Variants in SAE1 observed in about 807,000 individuals in gnomAD.
SAE1 encodes SUMO-activating enzyme subunit 1.
In SAE1, 11 loss-of-function variants were observed where a neutral mutation model predicts 40.6. The observed-to-expected ratio is 0.27, with a 90% CI of 0.17 to 0.45. The LOEUF (loss-of-function observed/expected upper bound fraction) is 0.45. Among genes scored for constraint, SAE1 ranks in the 20% least tolerant of loss-of-function variants. SAE1 has a pLI of 1.00. For missense variants in SAE1, 373 were observed against 427.3 expected, an observed-to-expected ratio of 0.87 and a Z score of 1.12; for synonymous variants, 155 against 154.3, an observed-to-expected ratio of 1.00 and a Z score of -0.03.
chr19:47,197,777 G>A (rs2058625732), intron 7 of SAE1, among the ~76,000 whole-genome samples: 1 of 152,186 alleles, frequency 6.6e-6, no homozygotes, highest in Admixed American at 6.5e-5. Flanking sequence ...CCAGTTGCCT[G>A]CTCACTCAAG....
intron 5 of SAE1, among the ~76,000 whole-genome samples, chr19:47,159,825 C>A (rs974381131): frequency 3.3e-5 from 5 of 152,150 alleles, no homozygotes; most frequent in African/African-American, 1.2e-4. Context: ...TCCGGAGTAG[C>A]TGGAACTGCC....
At chr19:47,200,396 C>T (rs1403212153) in intron 7 of SAE1, among the ~76,000 whole-genome samples, 3 of 142,460 alleles carry the variant, frequency 2.1e-5, no homozygotes, top group African/African-American at 8.2e-5. Context: ...CCAAGCCTGC[C>T]TAATTTTTTT....
intron 1 of SAE1, among the ~76,000 whole-genome samples, chr19:47,139,738 G>A (rs1234231839): frequency 6.7e-6 from 1 of 149,062 alleles, no homozygotes; most frequent in Non-Finnish European, 1.5e-5. Context: ...ACAGGCACCC[G>A]CCACCACTCC....
intron 5 of SAE1, among the ~76,000 whole-genome samples, chr19:47,164,884 C>T (rs555479735): frequency 5.2e-4 from 79 of 151,738 alleles, no homozygotes; most frequent in African/African-American, 1.8e-3. Flanking sequence ...GATCTCCTGA[C>T]CTCGTGATCC....
Position 47,209,334 on chromosome 19 carries a change from C to G in SAE1, c.*83C>G. The stretch of plus-strand genomic sequence containing the variant: ...GTCCCCTTCCTTCATGAAGGCATCT[C>G]CAGGCAAGGAAAACTGAAGTCATTG... On this transcript the variant is annotated 3_prime_UTR_variant, in exon 9 of 9. Transcript: ENST00000270225. The G allele has an allele frequency of 6.2e-7, 1 of 1,605,154 alleles. No homozygotes were observed. Among genetic ancestry groups the G allele is most frequent in the Non-Finnish European group, 8.5e-7 (1 of 1,174,142 alleles).
rs138869054 is a variant in SAE1, at chr19:47,189,492, C to T, written c.734-7741C>T. On this transcript the variant is annotated intron_variant, in intron 6 of 8. Transcript: ENST00000270225. Reference sequence around the variant, plus strand: ...AGTAGAATCGCTTGCACCTGGGAGGCGGAGGTTGCAGTGAGCAAAGATCGC... The same window carrying T: ...AGTAGAATCGCTTGCACCTGGGAGGTGGAGGTTGCAGTGAGCAAAGATCGC... 8.5e-3 allele frequency among the ~76,000 whole-genome samples: 1,300 copies of T among 152,150 alleles called. 18 individuals are homozygous for T. Among genetic ancestry groups the T allele is most frequent in the African/African-American group, 0.029 (1,218 of 41,488 alleles).
At chr19:47,164,578 A>G (rs1568595667) in intron 5 of SAE1, among the ~76,000 whole-genome samples, 1 of 149,410 alleles carries the variant, frequency 6.7e-6, no homozygotes, top group Non-Finnish European at 1.5e-5. Flanking sequence ...GCAGTTTCCT[A>G]CTATGCTAAA....
chr19:47,142,256 C>T (rs1246516825), intron 1 of SAE1, among the ~76,000 whole-genome samples: 1 of 151,672 alleles, frequency 6.6e-6, no homozygotes, highest in Non-Finnish European at 1.5e-5. Context: ...TGACAGTAGG[C>T]GCCTGTAATC....
chr19:47,166,997 G>T (rs1348043341), intron 5 of SAE1, among the ~76,000 whole-genome samples: 1 of 151,984 alleles, frequency 6.6e-6, no homozygotes, highest in Non-Finnish European at 1.5e-5. Context: ...TGTTGCCCAG[G>T]CTGGAGTGTA....
In SAE1 at chr19:47,197,369, C is replaced by CT; in HGVS notation, c.873dup (p.Val292CysfsTer81). On this transcript the variant is annotated frameshift_variant, in exon 7 of 9. Coordinates refer to ENST00000270225, the MANE Select transcript of SAE1 (RefSeq NM_005500.3). LOFTEE classifies it high-confidence loss of function. ...TTAGTCCTGACCTGCTTCCTGAGGA[C>CT]TTTGTCAGGTTGGTGTCAGTATTTA... The CT allele has an allele frequency of 1.2e-6, 2 of 1,612,364 alleles. No individual in the cohort carries two copies. The highest frequency in any genetic ancestry group is 8.5e-7 in the Non-Finnish European group (1 of 1,179,416).
At chr19:47,203,931 G>C (rs2058669683) in intron 8 of SAE1, among the ~76,000 whole-genome samples, 191 bp downstream of exon 8, 1 of 152,070 alleles carries the variant, frequency 6.6e-6, no homozygotes, top group South Asian at 2.1e-4. Flanking sequence ...AATGACCTTG[G>C]AGTGCCTGCT....
intron 7 of SAE1, among the ~76,000 whole-genome samples, chr19:47,202,976 CCTTTCA>C (rs1470425724): frequency 3.3e-5 from 5 of 152,282 alleles, no homozygotes; most frequent in African/African-American, 9.6e-5. Flanking sequence ...GGAGGCTTTC[CCTTTCA>C]CTTGTCTGTG....
rs1011910905 is a variant in SAE1, at chr19:47,187,214, G to A, written c.734-10019G>A. 9.9e-5 allele frequency among the ~76,000 whole-genome samples: 15 copies of A among 152,232 alleles called. No individual in the cohort carries two copies. In the South Asian group the frequency reaches 2.5e-3, roughly 25 times the overall value. ...GAGAGCCAGAATCAGAGTGGCTTCC[G>A]TGAAGTGTCCCTACCTCCTCCCCCA... On this transcript the variant is annotated intron_variant, in intron 6 of 8. Transcript: ENST00000270225.
rs2058705068 is a variant in SAE1, at chr19:47,209,916, A to C, written c.*665A>C. 1 of 152,248 alleles carries C rather than the reference A, an allele frequency of 6.6e-6. No individual in the cohort carries two copies. Among genetic ancestry groups the C allele is most frequent in the Non-Finnish European group, 1.5e-5 (1 of 68,114 alleles). The allele number at this position is 152,248 out of a possible 1,614,324, so 9.4% of individuals were successfully genotyped here. ...GTTTTGGGAGAAAGGAGATGCTACC[A>C]AGTCTTGGATGTTAGGGCGAGACCC... On this transcript the variant is annotated 3_prime_UTR_variant, in exon 9 of 9. Transcript: ENST00000270225.
At chr19:47,190,527 G>C (rs78753311) in intron 6 of SAE1, among the ~76,000 whole-genome samples, 3 of 152,110 alleles carry the variant, frequency 2.0e-5, no homozygotes, top group African/African-American at 7.2e-5. Flanking sequence ...AGTGAAAAAA[G>C]ACAGCTTCTG....
At position 47,155,097 on chromosome 19, in the gene SAE1, C is replaced by T. The variant is rs771210840; in HGVS notation, c.528-17C>T. On this transcript the variant is annotated splice_polypyrimidine_tract_variant and intron_variant, in intron 4 of 8. Coordinates refer to ENST00000270225, the MANE Select transcript of SAE1 (RefSeq NM_005500.3). ...TCCTAGGGTAAAATTACATTCTCTC[C>T]CCTTGTCACCCTCTAGGGAGAAAAC... 6.8e-7 allele frequency: 1 copy of T among 1,467,608 alleles called. No homozygotes were observed. Among genetic ancestry groups the T allele is most frequent in the South Asian group, 1.1e-5 (1 of 87,996 alleles). The allele number at this position is 1,467,608 out of a possible 1,614,324, so 90.9% of individuals were successfully genotyped here.
At chr19:47,205,799 G>C (rs1355629451) in intron 8 of SAE1, among the ~76,000 whole-genome samples, 1 of 152,172 alleles carries the variant, frequency 6.6e-6, no homozygotes, top group Non-Finnish European at 1.5e-5. Flanking sequence ...GTGATCCCTG[G>C]TTTATAAAAG....
chr19:47,136,494 CTT>C (rs35463823), intron 1 of SAE1, among the ~76,000 whole-genome samples: 204 of 109,576 alleles, frequency 1.9e-3, no homozygotes, highest in Middle Eastern at 4.8e-3. Context: ...TTACCCGAGT[CTT>C]TTTTTTTTTT....
chr19:47,143,109 AT>A (rs773382952), intron 1 of SAE1, among the ~76,000 whole-genome samples: 124 of 145,190 alleles, frequency 8.5e-4, no homozygotes, highest in Admixed American at 1.0e-3. Flanking sequence ...AACCAAAATG[AT>A]TTTTTTTTTT....
Sources: allele counts gnomAD v4.1 joint callset (sites outside exome capture counted in the v4.1 genomes callset), GRCh38; gene constraint gnomAD v4.1.1; transcripts MANE v1.5; gene names NCBI Gene and HGNC (gene_info 2026-07-23, HGNC 2026-07-21).